STX2: variants seen among roughly 807,000 people sequenced by gnomAD.
The protein encoded by STX2 is syntaxin 2, also known as syntaxin-2.
Under a neutral mutation model 40.6 loss-of-function variants are expected in STX2, and 27 were observed. The ratio of observed to expected loss-of-function variants is 0.66; its 90% CI spans 0.49 to 0.92. The LOEUF (loss-of-function observed/expected upper bound fraction) is 0.92. Among genes scored for constraint, STX2 ranks in the 40% least tolerant of loss-of-function variants. The pLI is 0.00. For missense variants in STX2, 328 were observed against 366.1 expected, an observed-to-expected ratio of 0.90 and a Z score of 0.85; for synonymous variants, 123 against 119.1, an observed-to-expected ratio of 1.03 and a Z score of -0.22.
intron 3 of STX2, among the ~76,000 whole-genome samples, chr12:130,816,119 G>A (rs1951849532): frequency 6.6e-6 from 1 of 152,204 alleles, no homozygotes; most frequent in Non-Finnish European, 1.5e-5. Context: ...TGAGGGCTGA[G>A]TGTAGGAGTC....
chr12:130,792,662 T>G (rs975868782), intron 10 of STX2, among the ~76,000 whole-genome samples: 1 of 152,160 alleles, frequency 6.6e-6, no homozygotes, highest in Non-Finnish European at 1.5e-5. Context: ...GATGGGGTCT[T>G]GCTATGTTGC....
In STX2 at chr12:130,812,995, A is replaced by G. The variant is rs1311697511; in HGVS notation, c.242T>C (p.Ile81Thr). 1.3e-6 allele frequency: 2 copies of G among 1,548,934 alleles called. No homozygotes were observed. Among genetic ancestry groups the G allele is most frequent in the Admixed American group, 4.4e-5 (2 of 45,188 alleles). Residue 81 changes from isoleucine to threonine, a missense_variant, in exon 4 of 11, where the codon ATC becomes ACC. Ile to Thr is a moderately conservative substitution (Grantham distance 89, BLOSUM62 -1). Coordinates refer to ENST00000392373, the MANE Select transcript of STX2 (RefSeq NM_194356.4). Reference sequence around the variant, plus strand: ...TCGAATTTTATTCGCAGTTTTCTTGATTTCTTTGTTCAGATCTTCAAGCTC... The same window carrying G: ...TCGAATTTTATTCGCAGTTTTCTTGGTTTCTTTGTTCAGATCTTCAAGCTC... ...KEELEDLNKE[I>T]KKTANKIRAK... is the part of the protein sequence containing the mutation.
chr12:130,822,665 T>G (rs1046215814), intron 2 of STX2, among the ~76,000 whole-genome samples: 1 of 152,146 alleles, frequency 6.6e-6, no homozygotes, highest in African/African-American at 2.4e-5. Context: ...GCCTGGGAGT[T>G]ACCTTATAGG....
At chr12:130,802,340 C>T (rs148705939) in intron 6 of STX2, among the ~76,000 whole-genome samples, 4 of 152,224 alleles carry the variant, frequency 2.6e-5, no homozygotes, top group South Asian at 2.1e-4. Context: ...GGGGACTACA[C>T]GCGTGCGTCA....
Position 130,801,176 on chromosome 12 carries a change from T to G in STX2, c.652A>C (p.Met218Leu). ...IRELHEMFMD[M>L]AMFVETQGEM... ...ACCTGAGTCTCCACAAACATAGCCA[T>G]GTCCATGAACATCTCATGCAACTCT... Residue 218 changes from methionine (M) to leucine (L), a missense_variant, in exon 8 of 11, where the codon ATG (methionine) becomes CTG (leucine). Met to Leu is a conservative substitution (Grantham distance 15). Transcript: ENST00000392373. 1 of 1,613,346 alleles carries G rather than the reference T, an allele frequency of 6.2e-7. No individual in the cohort carries two copies. Among genetic ancestry groups the G allele is most frequent in the Non-Finnish European group, 8.5e-7 (1 of 1,179,462 alleles).
chr12:130,820,212 G>A (rs201325147), intron 3 of STX2, among the ~76,000 whole-genome samples: 3 of 152,026 alleles, frequency 2.0e-5, no homozygotes, highest in East Asian at 3.9e-4. Flanking sequence ...AGGAAAAAAC[G>A]GTCACTATTT....
At chr12:130,799,579 C>G (rs1019930393) in intron 8 of STX2, among the ~76,000 whole-genome samples, 10 of 151,928 alleles carry the variant, frequency 6.6e-5, no homozygotes, top group African/African-American at 2.4e-4. Context: ...ACGGGGCCCC[C>G]AAAATCAAAA....
intron 1 of STX2, 24 bp downstream of exon 1, chr12:130,839,046 C>T (rs1367844326): frequency 7.6e-7 from 1 of 1,314,390 alleles, no homozygotes; most frequent in Non-Finnish European, 9.7e-7. Flanking sequence ...CGGGCCTGAA[C>T]CGCTACCCGC....
intron 2 of STX2, among the ~76,000 whole-genome samples, chr12:130,822,454 T>C (rs1346738218): frequency 2.0e-5 from 3 of 152,110 alleles, no homozygotes; most frequent in African/African-American, 4.8e-5. Flanking sequence ...AATACTCTTA[T>C]GGGAGGAGGT....
At chr12:130,830,823 G>A (rs1250274772) in intron 1 of STX2, among the ~76,000 whole-genome samples, 1 of 152,174 alleles carries the variant, frequency 6.6e-6, no homozygotes, top group Non-Finnish European at 1.5e-5. Flanking sequence ...CCATGATTAT[G>A]AGAGGGTATT....
intron 5 of STX2, among the ~76,000 whole-genome samples, chr12:130,808,177 G>C (rs36051740): frequency 3.7e-4 from 56 of 151,992 alleles, no homozygotes; most frequent in African/African-American, 1.3e-3. Flanking sequence ...CGTAAGAGGC[G>C]GATCTGGGCA....
intron 1 of STX2, among the ~76,000 whole-genome samples, chr12:130,838,704 C>T (rs558679696): frequency 6.6e-6 from 1 of 152,310 alleles, no homozygotes; most frequent in Non-Finnish European, 1.5e-5. Context: ...GCTGGGTAAG[C>T]GCCAGATACA....
chr12:130,808,465 C>A (rs922868235), intron 5 of STX2, among the ~76,000 whole-genome samples, 166 bp downstream of exon 5: 1 of 152,140 alleles, frequency 6.6e-6, no homozygotes, highest in Non-Finnish European at 1.5e-5. Context: ...GCAAAATAAA[C>A]CTCTGTCTCA....
In STX2 at chr12:130,792,862, C is replaced by T. The variant is rs140718989; in HGVS notation, c.*46-885G>A. On this transcript the variant is annotated intron_variant, in intron 10 of 10. Transcript: ENST00000392373. ...GCACTGATGGTCTGGAAGCAGGGTG[C>T]GACACAGCATTTAACTTTTTTAAAA... Among the ~76,000 whole-genome samples, 48 of 152,230 alleles carry T rather than the reference C, an allele frequency of 3.2e-4. No individual in the cohort carries two copies. In the East Asian group the frequency reaches 3.9e-3, roughly 12 times the overall value.
rs1008345726 is a variant in STX2 at position 130,790,401 on chromosome 12, CAA to C, written c.*1620_*1621del. On this transcript the variant is annotated 3_prime_UTR_variant, in exon 11 of 11. Coordinates refer to ENST00000392373, the MANE Select transcript of STX2 (RefSeq NM_194356.4). Reference sequence around the variant, plus strand: ...CTTACACTACTACATACAGGAGTAACAAGAGTTCACGACATTTGGGGCATCCT... The same window carrying C: ...CTTACACTACTACATACAGGAGTAACGAGTTCACGACATTTGGGGCATCCT... 3 of 152,166 alleles carry C rather than the reference CAA, an allele frequency of 2.0e-5. No individual in the cohort carries two copies. The highest frequency in any genetic ancestry group is 4.8e-5 in the African/African-American group (2 of 41,446). 9.4% of individuals were successfully genotyped at this position (152,166 alleles called of 1,614,324 possible). A position where few individuals can be genotyped will look rare whatever the true frequency, so the allele number is the denominator to read the frequency against.
In STX2 at chr12:130,815,875, A is replaced by G. The variant is rs76747403; in HGVS notation, c.206-2844T>C. Among the ~76,000 whole-genome samples the G allele has an allele frequency of 2.0e-5, 3 of 152,292 alleles. No homozygotes were observed. In the East Asian group the frequency reaches 5.8e-4, roughly 29 times the overall value. On this transcript the variant is annotated intron_variant, in intron 3 of 10. Transcript: ENST00000392373. ...TCTCCTTCATATTAGTTTGGATATT[A>G]TATGTTTTTTTAAAATCATGGAGGT... is the stretch of plus-strand genomic sequence containing the variant.
At chr12:130,821,448 T>C (rs908324013) in intron 3 of STX2, among the ~76,000 whole-genome samples, 6 of 152,166 alleles carry the variant, frequency 3.9e-5, no homozygotes, top group Non-Finnish European at 5.9e-5. Flanking sequence ...CTTTAGGACA[T>C]GATCCATCAG....
intron 10 of STX2, among the ~76,000 whole-genome samples, 196 bp from the exon 11 acceptor site, chr12:130,792,173 G>A (rs910476290): frequency 1.3e-5 from 2 of 152,110 alleles, no homozygotes; most frequent in Non-Finnish European, 2.9e-5. Flanking sequence ...TGATTCTCCT[G>A]CCTCAGCCTC....
At chr12:130,800,888 A>C (rs1165914286) in intron 8 of STX2, among the ~76,000 whole-genome samples, 1 of 152,226 alleles carries the variant, frequency 6.6e-6, no homozygotes, top group Admixed American at 6.5e-5. Context: ...CCATGAACAA[A>C]GTTTAGGTTG....
Sources: gnomAD v4.1 joint callset for allele counts (sites outside exome capture counted in the v4.1 genomes callset) on GRCh38, gnomAD v4.1.1 for gene constraint, MANE v1.5 for transcripts, NCBI Gene and HGNC (gene_info 2026-07-23, HGNC 2026-07-21) for gene names.